Variants in LANCL3 observed in about 807,000 individuals in gnomAD.
The protein encoded by LANCL3 is LanC like family member 3.
Under a neutral mutation model 26.5 loss-of-function variants are expected in LANCL3, and 19 were observed. The observed-to-expected ratio is 0.72, with a 90% CI of 0.50 to 1.05. The LOEUF is 1.05. Among genes scored for constraint, LANCL3 ranks in the 50% least tolerant of loss-of-function variants. The pLI, the probability that LANCL3 is intolerant of heterozygous loss-of-function variation, is 0.00. For missense variants in LANCL3, 318 were observed against 362.7 expected (o/e 0.88, Z 1.00); for synonymous variants, 160 against 166.6 (o/e 0.96, Z 0.30).
chrX:37,620,411 T>G (rs1403694202), intron 1 of LANCL3, among the ~76,000 whole-genome samples: 6 of 111,800 alleles, frequency 5.4e-5, no homozygotes, highest in African/African-American at 2.0e-4. Context: ...ATGAAACCCC[T>G]CCTAAAGGCA....
chrX:37,618,613 A>G, intron 1 of LANCL3, among the ~76,000 whole-genome samples: 1 of 111,586 alleles, frequency 9.0e-6, no homozygotes, highest in Non-Finnish European at 1.9e-5. Flanking sequence ...GCAGTCTTTG[A>G]TATTCCTTGG....
intron 1 of LANCL3, among the ~76,000 whole-genome samples, 180 bp downstream of exon 1, chrX:37,572,623 C>A (rs189365534): frequency 8.9e-6 from 1 of 112,401 alleles, no homozygotes; most frequent in Non-Finnish European, 1.9e-5. Flanking sequence ...CCTCTTCTTT[C>A]CTGTCGTTTT....
Position 37,571,834 on chromosome X carries a change from G to A in LANCL3, c.-37G>A, listed in dbSNP as rs373307440. On this transcript the variant is annotated 5_prime_UTR_variant, in exon 1 of 5. Transcript: ENST00000378619. The stretch of plus-strand genomic sequence containing the variant: ...GGGGCTGCAGGGCACGACTTCAAGC[G>A]GTCCTCAGCTCCGCACTAGGGGGCA... 213 of 1,138,963 alleles carry A rather than the reference G, an allele frequency of 1.9e-4. No homozygotes were observed. Among genetic ancestry groups the A allele is most frequent in the Admixed American group, 7.4e-4 (30 of 40,815 alleles). The allele number at this position is 1,138,963 out of a possible 1,213,427, so 93.9% of individuals were successfully genotyped here.
At position 37,581,369 on chromosome X, in the gene LANCL3, C is replaced by T. The variant is rs185682336; in HGVS notation, c.573+8926C>T. On this transcript the variant is annotated intron_variant, in intron 1 of 4. Transcript: ENST00000378619. ...CATCTATTGAATGAATGAGCAAATG[C>T]ATGGATTTCTTTTTCCTAATAGATG... Among the ~76,000 whole-genome samples, 4 of 112,317 alleles carry T rather than the reference C, an allele frequency of 3.6e-5. No homozygotes were observed. The East Asian group carries it at 1.1e-3, about 31-fold the overall frequency.
chrX:37,630,901 T>C (rs1406447042), intron 1 of LANCL3, among the ~76,000 whole-genome samples: 1 of 111,166 alleles, frequency 9.0e-6, no homozygotes, highest in Non-Finnish European at 1.9e-5. Context: ...AGGATATTGG[T>C]CTAAAATTCT....
At chrX:37,605,578 C>T (rs1924686330) in intron 1 of LANCL3, among the ~76,000 whole-genome samples, 1 of 111,630 alleles carries the variant, frequency 9.0e-6, no homozygotes, top group African/African-American at 3.3e-5. Context: ...CCTCCCTGAC[C>T]TCATGTCCTA....
At chrX:37,645,769 C>T (rs1340070922) in intron 1 of LANCL3, among the ~76,000 whole-genome samples, 1 of 112,026 alleles carries the variant, frequency 8.9e-6, no homozygotes, top group Admixed American at 9.5e-5. Context: ...GGTTGATGAA[C>T]CAGCAGTGTC....
At chrX:37,622,051 G>T (rs1556422320) in intron 1 of LANCL3, among the ~76,000 whole-genome samples, 2 of 111,004 alleles carry the variant, frequency 1.8e-5, no homozygotes, top group Non-Finnish European at 3.8e-5. Flanking sequence ...TAATCCTCAG[G>T]TCTCTTTTTT....
chrX:37,575,379 A>G lies in LANCL3; in HGVS notation c.573+2936A>G, dbSNP rs142232370. ...ATTAGAATGTAAGCTCCATAAGGGT[A>G]GACATTTTTGGTTTCATTGATGTTC... is the stretch of plus-strand genomic sequence containing the variant. On this transcript the variant is annotated intron_variant, in intron 1 of 4. Transcript: ENST00000378619. 3.6e-5 allele frequency among the ~76,000 whole-genome samples: 4 copies of G among 111,848 alleles called. No individual in the cohort carries two copies. The East Asian group carries it at 8.4e-4, about 23-fold the overall frequency.
At position 37,675,686 on chromosome X, in the gene LANCL3, A is replaced by C; in HGVS notation, c.1136A>C (p.Lys379Thr). 8.7e-7 allele frequency: 1 copy of C among 1,148,468 alleles called. No individual in the cohort carries two copies. Among genetic ancestry groups the C allele is most frequent in the South Asian group, 2.1e-5 (1 of 48,656 alleles). 94.6% of individuals were successfully genotyped at this position (1,148,468 alleles called of 1,213,427 possible). A position where few individuals can be genotyped will look rare whatever the true frequency, so the allele number is the denominator to read the frequency against. The change falls in exon 5 of 5, where the codon AAG becomes ACG. Residue 379 changes from lysine to threonine, a missense_variant. By Grantham distance (78) the Lys-to-Thr change is moderately conservative (BLOSUM62 -1). Coordinates refer to ENST00000378619, the MANE Select transcript of LANCL3 (RefSeq NM_001170331.2). ...FAQFLFTEEF[K>T]AGSRVLESIY... ...CAATTCTTATTTACCGAGGAATTCA[A>C]GGCCGGTTCTCGGGTCCTTGAAAGT...
At chrX:37,579,487 T>A (rs192971550) in intron 1 of LANCL3, among the ~76,000 whole-genome samples, 8 of 111,478 alleles carry the variant, frequency 7.2e-5, no homozygotes, top group Non-Finnish European at 1.1e-4. Flanking sequence ...AAAGGGATGA[T>A]TCATGCCCCA....
intron 1 of LANCL3, among the ~76,000 whole-genome samples, chrX:37,622,110 T>A (rs1556422333): frequency 9.0e-6 from 1 of 111,645 alleles, no homozygotes; most frequent in Non-Finnish European, 1.9e-5. Flanking sequence ...AACTTGACAT[T>A]TCCCTGGAAT....
chrX:37,649,160 T>A (rs1926063303), intron 1 of LANCL3, among the ~76,000 whole-genome samples: 1 of 112,060 alleles, frequency 8.9e-6, no homozygotes, highest in Non-Finnish European at 1.9e-5. Flanking sequence ...CACATGTATG[T>A]TTATTGCAGC....
At chrX:37,606,620 T>A (rs1247240807) in intron 1 of LANCL3, among the ~76,000 whole-genome samples, 1 of 111,257 alleles carries the variant, frequency 9.0e-6, no homozygotes, top group Admixed American at 9.5e-5. Flanking sequence ...CCCAGACCCT[T>A]GAGTTAACTG....
chrX:37,622,316 T>G (rs1925187106), intron 1 of LANCL3, among the ~76,000 whole-genome samples: 3 of 111,240 alleles, frequency 2.7e-5, no homozygotes, highest in Admixed American at 9.6e-5. Context: ...GGGTTCCCTG[T>G]GTCTTCTCTG....
intron 1 of LANCL3, among the ~76,000 whole-genome samples, chrX:37,618,144 C>T (rs1697400275): frequency 1.8e-5 from 2 of 112,175 alleles, no homozygotes; most frequent in Non-Finnish European, 3.8e-5. Context: ...GGCCACAAGG[C>T]ATTCATCAAG....
intron 1 of LANCL3, among the ~76,000 whole-genome samples, chrX:37,607,340 A>T (rs1032695704): frequency 1.8e-5 from 2 of 112,107 alleles, no homozygotes; most frequent in Non-Finnish European, 3.8e-5. Context: ...TAGAAGGATT[A>T]AGCTAATTTC....
At chrX:37,592,135 A>G (rs1220311863) in intron 1 of LANCL3, among the ~76,000 whole-genome samples, 1 of 111,828 alleles carries the variant, frequency 8.9e-6, no homozygotes, top group African/African-American at 3.3e-5. Flanking sequence ...TCTTCCTGAA[A>G]TCCACATCCA....
chrX:37,618,715 A>T (rs1419648826), intron 1 of LANCL3, among the ~76,000 whole-genome samples: 1 of 111,527 alleles, frequency 9.0e-6, no homozygotes, highest in African/African-American at 3.3e-5. Flanking sequence ...TTGTGTTCAG[A>T]TGTCCCCATT....
Sources: allele counts gnomAD v4.1 joint callset (sites outside exome capture counted in the v4.1 genomes callset), GRCh38; gene constraint gnomAD v4.1.1; transcripts MANE v1.5; gene names NCBI Gene and HGNC (gene_info 2026-07-23, HGNC 2026-07-21).